The following TRPC4 variants were observed in gnomAD, a reference collection of about 807,000 sequenced individuals.
The protein encoded by TRPC4 is transient receptor potential cation channel subfamily C member 4, also known as short transient receptor potential channel 4.
Under a neutral mutation model 99.4 loss-of-function variants are expected in TRPC4, and 49 were observed. The ratio of observed to expected loss-of-function variants is 0.49; its 90% CI spans 0.39 to 0.63. The LOEUF (loss-of-function observed/expected upper bound fraction) is 0.63. TRPC4 is among the 20% of genes least tolerant of loss of function. The probability of loss-of-function intolerance (pLI) is 0.00; values close to 1 mark genes in which losing one functional copy is unlikely to be tolerated. For synonymous variants in TRPC4, 454 were observed against 425.9 expected (o/e 1.07, Z -0.81); for missense variants, 898 against 1,152.9 (o/e 0.78, Z 3.20).
At chr13:37,808,831 T>C (rs1487568523) in intron 1 of TRPC4, among the ~76,000 whole-genome samples, 1 of 151,978 alleles carries the variant, frequency 6.6e-6, no homozygotes, top group African/African-American at 2.4e-5. Flanking sequence ...CCAAAGGCAT[T>C]CCTTAATAAA....
chr13:37,657,916 A>G (rs927069883), intron 6 of TRPC4, among the ~76,000 whole-genome samples: 17 of 152,162 alleles, frequency 1.1e-4, no homozygotes, highest in African/African-American at 3.9e-4. Context: ...TGAGATTTAA[A>G]GACTAGTTCC....
chr13:37,649,757 AAAACAAC>A (rs1566067409), intron 8 of TRPC4, among the ~76,000 whole-genome samples: 7 of 118,098 alleles, frequency 5.9e-5, no homozygotes, highest in South Asian at 2.7e-4. Flanking sequence ...AAAAAAAAAA[AAAACAAC>A]AACAAAGAAC....
chr13:37,836,351 T>A (rs1020812604), intron 1 of TRPC4, among the ~76,000 whole-genome samples: 1 of 151,904 alleles, frequency 6.6e-6, no homozygotes, highest in African/African-American at 2.4e-5. Context: ...CAGGAAGAGG[T>A]TGGGACAGTT....
At chr13:37,664,989 G>C (rs1234378490) in intron 5 of TRPC4, among the ~76,000 whole-genome samples, 1 of 151,922 alleles carries the variant, frequency 6.6e-6, no homozygotes, top group Non-Finnish European at 1.5e-5. Context: ...TTTAAATCTT[G>C]ATAAATGTTC....
At chr13:37,680,506 T>TA (rs917409239) in intron 4 of TRPC4, among the ~76,000 whole-genome samples, 3 of 152,226 alleles carry the variant, frequency 2.0e-5, no homozygotes, top group Non-Finnish European at 2.9e-5. Context: ...TGCCAACGAT[T>TA]GCTTCTTCCT....
chr13:37,755,354 TC>T (rs1240759292), intron 2 of TRPC4, among the ~76,000 whole-genome samples: 1 of 151,674 alleles, frequency 6.6e-6, no homozygotes, highest in Non-Finnish European at 1.5e-5. Context: ...CTTCCTGGGC[TC>T]AAACAATCCT....
intron 3 of TRPC4, among the ~76,000 whole-genome samples, chr13:37,733,404 A>G (rs574073580): frequency 2.6e-5 from 4 of 152,282 alleles, no homozygotes; most frequent in Admixed American, 6.5e-5. Flanking sequence ...TCTCTAATCT[A>G]TCCCATCAAG....
intron 2 of TRPC4, among the ~76,000 whole-genome samples, chr13:37,760,508 C>T (rs1278865498): frequency 6.6e-6 from 1 of 151,854 alleles, no homozygotes; most frequent in Non-Finnish European, 1.5e-5. Flanking sequence ...AAAGGAGTTT[C>T]TAAGAATAGT....
intron 4 of TRPC4, among the ~76,000 whole-genome samples, chr13:37,682,684 A>G (rs1953290159): frequency 1.3e-5 from 2 of 152,120 alleles, no homozygotes; most frequent in Non-Finnish European, 2.9e-5. Flanking sequence ...ACAGAGGTAG[A>G]CCTGGGGAGA....
At chr13:37,713,252 C>G (rs115651258) in intron 3 of TRPC4, among the ~76,000 whole-genome samples, 3,881 of 152,184 alleles carry the variant, frequency 0.026, 178 homozygotes, top group African/African-American at 0.089. Flanking sequence ...GATTATATAA[C>G]TACAATTCCA....
intron 3 of TRPC4, among the ~76,000 whole-genome samples, chr13:37,743,169 C>T (rs1955641043): frequency 2.6e-5 from 4 of 152,164 alleles, no homozygotes; most frequent in African/African-American, 9.6e-5. Flanking sequence ...TCAGCCTGGG[C>T]AACATAGCAA....
intron 3 of TRPC4, among the ~76,000 whole-genome samples, chr13:37,731,982 C>T (rs1955252765): frequency 6.6e-6 from 1 of 152,020 alleles, no homozygotes; most frequent in South Asian, 2.1e-4. Flanking sequence ...CATAAAATCT[C>T]TTAGAAGAAC....
chr13:37,745,182 G>A (rs1955701313), intron 3 of TRPC4, among the ~76,000 whole-genome samples: 2 of 151,696 alleles, frequency 1.3e-5, no homozygotes. Flanking sequence ...TGAGGAAAAT[G>A]TTGTCTATAT....
chr13:37,818,215 G>A (rs961580663), intron 1 of TRPC4, among the ~76,000 whole-genome samples: 2 of 151,732 alleles, frequency 1.3e-5, no homozygotes, highest in Admixed American at 6.6e-5. Context: ...ATGTAAACAG[G>A]CACTTTAAAA....
intron 1 of TRPC4, among the ~76,000 whole-genome samples, chr13:37,807,937 C>T (rs1052195705): frequency 3.9e-5 from 6 of 152,048 alleles, no homozygotes; most frequent in Non-Finnish European, 8.8e-5. Context: ...GGTTCTGACA[C>T]CCTTGTGGTC....
At chr13:37,843,822 G>C (rs997928810) in intron 1 of TRPC4, among the ~76,000 whole-genome samples, 3 of 152,020 alleles carry the variant, frequency 2.0e-5, no homozygotes, top group African/African-American at 7.3e-5. Context: ...CTATCCGCAG[G>C]CAAGAAGATA....
chr13:37,837,734 G>A (rs1312964686), intron 1 of TRPC4, among the ~76,000 whole-genome samples: 1 of 152,168 alleles, frequency 6.6e-6, no homozygotes, highest in East Asian at 1.9e-4. Flanking sequence ...GCTGAAATGA[G>A]TTAAGATTTT....
At chr13:37,639,388 A>C in intron 8 of TRPC4, 89 bp from the exon 9 acceptor site, 1 of 1,381,870 alleles carries the variant, frequency 7.2e-7, no homozygotes, top group Non-Finnish European at 9.9e-7. Context: ...TAATGTTTTT[A>C]TTCTTATTTC....
rs79057630 is a variant in TRPC4 at position 37,698,949 on chromosome 13, C to A, written c.898-6614G>T. ...TATTTACCCTATGCACCACCATATGCCTTCATCATGACTCCAAAGTTATAT... is the reference window on the plus strand; with the variant it reads ...TATTTACCCTATGCACCACCATATGACTTCATCATGACTCCAAAGTTATAT... On this transcript the variant is annotated intron_variant, in intron 3 of 10. Transcript: ENST00000379705. 8.2e-3 allele frequency among the ~76,000 whole-genome samples: 1,245 copies of A among 152,220 alleles called. 18 individuals are homozygous for A. Among genetic ancestry groups the A allele is most frequent in the African/African-American group, 0.029 (1,191 of 41,496 alleles).
Sources: allele counts gnomAD v4.1 joint callset (sites outside exome capture counted in the v4.1 genomes callset), GRCh38; gene constraint gnomAD v4.1.1; transcripts MANE v1.5; gene names NCBI Gene and HGNC (gene_info 2026-07-23, HGNC 2026-07-21).